The following DNAH12 variants were observed in gnomAD, a reference collection of about 807,000 sequenced individuals.
DNAH12 encodes dynein axonemal heavy chain 12.
DNAH12 carries 285 observed loss-of-function variants against 371.5 expected under a neutral mutation model. The ratio of observed to expected loss-of-function variants is 0.77; its 90% CI spans 0.70 to 0.85. The LOEUF (loss-of-function observed/expected upper bound fraction) is 0.85. DNAH12 is among the 40% of genes least tolerant of loss of function. The pLI is 0.00. For missense variants in DNAH12, 3,611 were observed against 3,689.4 expected (o/e 0.98, Z 0.55); for synonymous variants, 1,200 against 1,213.0 (o/e 0.99, Z 0.22).
At chr3:57,478,639 G>A (rs1482969200) in intron 13 of DNAH12, among the ~76,000 whole-genome samples, 1 of 152,050 alleles carries the variant, frequency 6.6e-6, no homozygotes, top group Non-Finnish European at 1.5e-5. Context: ...CACCAAAGTT[G>A]AAATGAAGGA....
intron 17 of DNAH12, among the ~76,000 whole-genome samples, chr3:57,464,216 C>A (rs1318302904): frequency 6.6e-6 from 1 of 151,946 alleles, no homozygotes; most frequent in African/African-American, 2.4e-5. Context: ...CAAGCAGAGA[C>A]AAAGGGAGGA....
At chr3:57,534,508 CTTT>C (rs35588123) in intron 2 of DNAH12, among the ~76,000 whole-genome samples, 3 of 108,838 alleles carry the variant, frequency 2.8e-5, no homozygotes, top group East Asian at 2.6e-4. Flanking sequence ...TGTTAGCTAG[CTTT>C]TTTTTTTTTT....
chr3:57,366,166 A>C (rs2063047274), intron 57 of DNAH12, among the ~76,000 whole-genome samples: 1 of 152,198 alleles, frequency 6.6e-6, no homozygotes, highest in African/African-American at 2.4e-5. Context: ...CACCAATACC[A>C]AGATGGCCAC....
chr3:57,551,668 G>A, the DNAH12 span, among the ~76,000 whole-genome samples: 1 of 152,104 alleles, frequency 6.6e-6, no homozygotes, highest in African/African-American at 2.4e-5. Flanking sequence ...CAGGAAGTCA[G>A]TAATTTTGAA....
the DNAH12 span, among the ~76,000 whole-genome samples, chr3:57,550,955 T>C: frequency 6.6e-6 from 1 of 151,250 alleles, no homozygotes; most frequent in South Asian, 2.1e-4. Flanking sequence ...CTCGGCTCAC[T>C]GCAAGCTCCG....
intron 29 of DNAH12, among the ~76,000 whole-genome samples, chr3:57,441,721 G>C (rs1232403238): frequency 2.6e-5 from 4 of 152,094 alleles, no homozygotes; most frequent in Non-Finnish European, 5.9e-5. Flanking sequence ...GAGCCCAGGA[G>C]GTTGACAATG....
chr3:57,329,329 A>G (rs2062032460), intron 62 of DNAH12, among the ~76,000 whole-genome samples: 1 of 127,412 alleles, frequency 7.8e-6, no homozygotes, highest in Admixed American at 8.2e-5. Flanking sequence ...AGGCTACAGT[A>G]ACAAAAACAG....
chr3:57,534,988 G>T (rs1285676566), intron 2 of DNAH12, among the ~76,000 whole-genome samples: 2 of 152,144 alleles, frequency 1.3e-5, no homozygotes, highest in Non-Finnish European at 2.9e-5. Context: ...TTTAGGCATA[G>T]GCTTAAGATC....
chr3:57,499,540 T>C (rs2067437651), intron 11 of DNAH12, among the ~76,000 whole-genome samples: 1 of 145,224 alleles, frequency 6.9e-6, no homozygotes, highest in Non-Finnish European at 1.5e-5. Flanking sequence ...ATGCCTACAA[T>C]CCCAACACTT....
In DNAH12 at chr3:57,516,053, C is replaced by CTTTTTTT. The variant is rs11395278; in HGVS notation, c.280-5081_280-5075dup. 7.9e-3 allele frequency among the ~76,000 whole-genome samples: 567 copies of CTTTTTTT among 72,004 alleles called. 10 individuals carry two copies. The highest frequency in any genetic ancestry group is 8.8e-3 in the Non-Finnish European group (370 of 42,050). The allele number at this position is 72,004 out of a possible 152,430, so 47.2% of individuals were successfully genotyped here. On this transcript the variant is annotated intron_variant, in intron 4 of 73. Transcript: ENST00000495027. ...CCACTCCATTAATGTACTGCTTAGT[C>CTTTTTTT]TTTTTTTTTTTTTTTTTTTTTTTTT...
chr3:57,418,461 G>C (rs1347917045), intron 37 of DNAH12, among the ~76,000 whole-genome samples: 1 of 149,180 alleles, frequency 6.7e-6, no homozygotes, highest in Non-Finnish European at 1.5e-5. Context: ...GATCGCTAGA[G>C]CCTGGGAAGT....
intron 29 of DNAH12, among the ~76,000 whole-genome samples, chr3:57,438,154 C>T (rs190640424): frequency 0.023 from 3,555 of 151,734 alleles, 63 homozygotes; most frequent in Non-Finnish European, 0.034. Context: ...ACTAAACATA[C>T]AAAAAAATCA....
intron 60 of DNAH12, among the ~76,000 whole-genome samples, chr3:57,351,172 G>A (rs933459694): frequency 6.6e-6 from 1 of 152,114 alleles, no homozygotes; most frequent in East Asian, 1.9e-4. Flanking sequence ...GGGAGGCTGA[G>A]GCAGGAGAAT....
chr3:57,352,200 G>A lies in DNAH12; in HGVS notation c.9559C>T (p.Arg3187Cys), dbSNP rs797042226. 1.1e-5 allele frequency: 17 copies of A among 1,532,722 alleles called. No individual in the cohort carries two copies. The East Asian group carries it at 1.2e-4, about 11-fold the overall frequency. The allele number at this position is 1,532,722 out of a possible 1,614,324, so 94.9% of individuals were successfully genotyped here. Residue 3187 changes from arginine to cysteine, a missense_variant, in exon 60 of 74, where the codon CGC becomes TGC. Physicochemically the swap from Arg to Cys is radical, Grantham distance 180. Coordinates refer to ENST00000495027, the MANE Select transcript of DNAH12 (RefSeq NM_001366028.2). The part of the protein sequence containing the change: ...DSNKSKILEK[R>C]LRYLNDHFTY... ...AAGTGGTCATTTAAATATCGTAGGCGCTTTTCCAAAATCTTGGATTTGTTA... is the reference window on the plus strand; with the variant it reads ...AAGTGGTCATTTAAATATCGTAGGCACTTTTCCAAAATCTTGGATTTGTTA...
At chr3:57,545,569 G>A (rs2069512509), upstream of DNAH12, among the ~76,000 whole-genome samples, 2 of 152,034 alleles carry the variant, frequency 1.3e-5, no homozygotes, top group Admixed American at 6.6e-5. Context: ...ACCCAGGCTG[G>A]AGTGCAGCGG....
intron 62 of DNAH12, among the ~76,000 whole-genome samples, chr3:57,325,657 A>G (rs946038497): frequency 2.6e-5 from 4 of 152,252 alleles, no homozygotes; most frequent in Non-Finnish European, 5.9e-5. Context: ...TCTAAAAAGC[A>G]GAGCACCTCT....
intron 65 of DNAH12, among the ~76,000 whole-genome samples, 154 bp downstream of exon 65, chr3:57,322,189 C>A (rs1408574648): frequency 1.3e-5 from 2 of 152,050 alleles, no homozygotes; most frequent in African/African-American, 2.4e-5. Context: ...AAATGGTGAA[C>A]AAGATAAGTA....
At chr3:57,498,373 G>A (rs914255044) in intron 11 of DNAH12, 1 of 633,770 alleles carries the variant, frequency 1.6e-6, no homozygotes, top group Non-Finnish European at 2.8e-6. Context: ...TTGGAGTGCA[G>A]TGGCATGATC....
chr3:57,393,195 C>A (rs973903910), intron 44 of DNAH12, among the ~76,000 whole-genome samples: 42 of 152,142 alleles, frequency 2.8e-4, no homozygotes, highest in Non-Finnish European at 5.1e-4. Context: ...AAGCAGAGTA[C>A]TTGAAAGTGT....
Sources: allele counts gnomAD v4.1 joint callset (sites outside exome capture counted in the v4.1 genomes callset), GRCh38; gene constraint gnomAD v4.1.1; transcripts MANE v1.5; gene names NCBI Gene and HGNC (gene_info 2026-07-23, HGNC 2026-07-21).